Variants in RABGEF1 observed in about 807,000 individuals in gnomAD.
The protein encoded by RABGEF1 is rab5 GDP/GTP exchange factor.
Under a neutral mutation model 57.3 loss-of-function variants are expected in RABGEF1, and 26 were observed. The ratio of observed to expected loss-of-function variants is 0.45; its 90% CI spans 0.33 to 0.63. The LOEUF (loss-of-function observed/expected upper bound fraction) is 0.63, where lower values mean the gene tolerates loss of function less well. RABGEF1 is among the 20% of genes least tolerant of loss of function. RABGEF1 has a pLI of 0.02. For synonymous variants in RABGEF1, 185 were observed against 210.7 expected (o/e 0.88, Z 1.06); for missense variants, 464 against 607.6 (o/e 0.76, Z 2.48).
chr7:66,718,653 G>A (rs1270636753), intron 2 of RABGEF1, among the ~76,000 whole-genome samples: 1 of 152,166 alleles, frequency 6.6e-6, no homozygotes, highest in African/African-American at 2.4e-5. Context: ...TGTCAGTTTA[G>A]TTCCCAAATA....
chr7:66,657,959 A>G, the RABGEF1 span, among the ~76,000 whole-genome samples: 15 of 152,296 alleles, frequency 9.8e-5, no homozygotes, highest in South Asian at 3.1e-3. Flanking sequence ...TAGAGTGGAA[A>G]TAAATAAAGG....
Position 66,809,419 on chromosome 7 carries a change from T to C in RABGEF1, c.*135T>C. 1.0e-6 allele frequency: 1 copy of C among 957,578 alleles called. No individual in the cohort carries two copies. 59.3% of individuals were successfully genotyped at this position (957,578 alleles called of 1,614,324 possible). A position where few individuals can be genotyped will look rare whatever the true frequency, so the allele number is the denominator to read the frequency against. Reference sequence around the variant, plus strand: ...TTTTTAAAGGTACAGTATATGGGGATTGTTTCGTTTTTCCTAGCAGGGGAA... The same window carrying C: ...TTTTTAAAGGTACAGTATATGGGGACTGTTTCGTTTTTCCTAGCAGGGGAA... On this transcript the variant is annotated 3_prime_UTR_variant, in exon 9 of 9. Transcript: ENST00000284957.
intron 1 of RABGEF1, among the ~76,000 whole-genome samples, chr7:66,707,674 CAA>C (rs568969872): frequency 1.1e-3 from 161 of 152,238 alleles, no homozygotes; most frequent in African/African-American, 3.6e-3. Context: ...GGCAAAAGAG[CAA>C]GACTCCATCT....
chr7:66,734,536 T>C (rs1797703979), intron 2 of RABGEF1, among the ~76,000 whole-genome samples: 1 of 151,956 alleles, frequency 6.6e-6, no homozygotes, highest in Non-Finnish European at 1.5e-5. Context: ...CCTCAAGTGA[T>C]CCGCCCATGT....
chr7:66,741,791 CAG>C (rs926943655), intron 1 of RABGEF1, among the ~76,000 whole-genome samples: 9 of 152,286 alleles, frequency 5.9e-5, no homozygotes, highest in African/African-American at 2.2e-4. Flanking sequence ...CTCGGCCTCC[CAG>C]AGTGTTGGGA....
chr7:66,677,875 G>A (rs1789397124), upstream of RABGEF1, among the ~76,000 whole-genome samples: 2 of 151,594 alleles, frequency 1.3e-5, no homozygotes, highest in South Asian at 2.1e-4. Flanking sequence ...AGACCAGCCT[G>A]GCAACATGGC....
intron 1 of RABGEF1, among the ~76,000 whole-genome samples, chr7:66,761,059 G>C (rs1804203369): frequency 1.3e-5 from 2 of 152,336 alleles, no homozygotes; most frequent in South Asian, 4.1e-4. Context: ...TTGAGAACCT[G>C]TGATATGCCC....
At chr7:66,655,289 G>C in the RABGEF1 span, among the ~76,000 whole-genome samples, 7 of 152,290 alleles carry the variant, frequency 4.6e-5, no homozygotes, top group African/African-American at 1.7e-4. Flanking sequence ...TGTCCATCAC[G>C]GCAGTTTAGG....
At chr7:66,680,547 C>T (rs201695062), upstream of RABGEF1, among the ~76,000 whole-genome samples, 2 of 151,064 alleles carry the variant, frequency 1.3e-5, no homozygotes, top group Non-Finnish European at 3.0e-5. Flanking sequence ...CCCAGCCATA[C>T]TTTTGTTTTA....
intron 2 of RABGEF1, 31 bp downstream of exon 2, chr7:66,772,109 A>G (rs1301641664): frequency 3.8e-5 from 54 of 1,424,150 alleles, no homozygotes; most frequent in Non-Finnish European, 4.7e-5. Context: ...GCGGTTGAAC[A>G]GTGACGTGAC....
chr7:66,710,479 G>A (rs1387740376), intron 1 of RABGEF1, among the ~76,000 whole-genome samples: 1 of 152,176 alleles, frequency 6.6e-6, no homozygotes, highest in Non-Finnish European at 1.5e-5. Flanking sequence ...CAAAGTGGTT[G>A]TACCATTTTG....
intron 4 of RABGEF1, among the ~76,000 whole-genome samples, chr7:66,791,439 A>G (rs949942965): frequency 2.0e-5 from 3 of 152,236 alleles, no homozygotes; most frequent in African/African-American, 7.2e-5. Context: ...AAGCCCTCAT[A>G]TGGTTCTTTT....
chr7:66,782,853 A>G (rs1810291311), intron 3 of RABGEF1, among the ~76,000 whole-genome samples: 1 of 152,180 alleles, frequency 6.6e-6, no homozygotes, highest in Non-Finnish European at 1.5e-5. Flanking sequence ...GGATATGGGG[A>G]ACTTAATTTC....
chr7:66,798,700 G>C (rs1388710971), intron 6 of RABGEF1, among the ~76,000 whole-genome samples: 1 of 152,042 alleles, frequency 6.6e-6, no homozygotes, highest in Non-Finnish European at 1.5e-5. Context: ...GTGGTGGCTC[G>C]CACCTGTAAT....
At chr7:66,724,549 A>G (rs1467889048) in intron 2 of RABGEF1, among the ~76,000 whole-genome samples, 3 of 151,962 alleles carry the variant, frequency 2.0e-5, no homozygotes, top group Non-Finnish European at 4.4e-5. Flanking sequence ...TAGTAGAGAC[A>G]GGGTTTCACC....
intron 1 of RABGEF1, among the ~76,000 whole-genome samples, chr7:66,682,903 T>C (rs1789999013): frequency 6.6e-6 from 1 of 152,100 alleles, no homozygotes; most frequent in South Asian, 2.1e-4. Context: ...CACGGCAGTT[T>C]AGGGAGAGAG....
chr7:66,724,199 G>A (rs761148964), intron 2 of RABGEF1, among the ~76,000 whole-genome samples: 1 of 151,820 alleles, frequency 6.6e-6, no homozygotes, highest in Non-Finnish European at 1.5e-5. Flanking sequence ...AGCTTTCATT[G>A]TTTCTGATAA....
At chr7:66,684,302 G>A (rs928372023) in intron 1 of RABGEF1, among the ~76,000 whole-genome samples, 1 of 152,100 alleles carries the variant, frequency 6.6e-6, no homozygotes, top group Admixed American at 6.6e-5. Context: ...AAATTAGATG[G>A]GCATGATGGC....
chr7:66,759,397 C>G (rs2129079390), intron 1 of RABGEF1, among the ~76,000 whole-genome samples: 1 of 152,314 alleles, frequency 6.6e-6, no homozygotes, highest in East Asian at 1.9e-4. Context: ...GCCGTAAACT[C>G]TAGCAACATG....
Sources: gnomAD v4.1 joint callset for allele counts (sites outside exome capture counted in the v4.1 genomes callset) on GRCh38, gnomAD v4.1.1 for gene constraint, MANE v1.5 for transcripts, NCBI Gene and HGNC (gene_info 2026-07-23, HGNC 2026-07-21) for gene names.